The following SMARCA4 variants were observed in gnomAD, a reference collection of about 807,000 sequenced individuals.
The protein encoded by SMARCA4 is SWI/SNF related BAF chromatin remodeling complex subunit ATPase 4, also known as SWI/SNF-related matrix-associated actin-dependent regulator of chromatin subfamily A member 4.
A neutral mutation model predicts 193.9 loss-of-function variants in SMARCA4; 31 were observed. The ratio of observed to expected loss-of-function variants is 0.16; its 90% CI spans 0.12 to 0.22. SMARCA4 has a LOEUF of 0.22. SMARCA4 is among the 10% of genes least tolerant of loss of function. SMARCA4 has a pLI of 1.00. For missense variants in SMARCA4, 1,148 were observed against 2,296.0 expected, an observed-to-expected ratio of 0.50 and a Z score of 10.22; for synonymous variants, 942 against 933.1, an observed-to-expected ratio of 1.01 and a Z score of -0.17.
chr19:11,048,954 AC>A (rs1264675020), intron 30 of SMARCA4, among the ~76,000 whole-genome samples: 5 of 152,148 alleles, frequency 3.3e-5, no homozygotes, highest in Non-Finnish European at 5.9e-5. Context: ...TGTCACAGCC[AC>A]GGTCCTTTAC....
chr19:11,002,195 A>T (rs1395164597), intron 11 of SMARCA4, among the ~76,000 whole-genome samples: 1 of 152,212 alleles, frequency 6.6e-6, no homozygotes, highest in Admixed American at 6.5e-5. Flanking sequence ...GAGAGCCCAC[A>T]TGATGCTCTT....
chr19:10,999,261 G>C (rs901851170), intron 11 of SMARCA4, among the ~76,000 whole-genome samples: 2 of 152,178 alleles, frequency 1.3e-5, no homozygotes, highest in Middle Eastern at 3.2e-3. Flanking sequence ...CTTTGGGGGT[G>C]CTTCCTGCTA....
In SMARCA4 at chr19:11,048,046, C is replaced by T. The variant is rs570727872; in HGVS notation, c.4424+6486C>T. On this transcript the variant is annotated intron_variant, in intron 30 of 34. Transcript: ENST00000344626. ...AGATCCCTGGAAGCTTCCTCGCCAC[C>T]GACTGCATGGCAGGTGGTGCTCATG... Among the ~76,000 whole-genome samples, 314 of 152,252 alleles carry T rather than the reference C, an allele frequency of 2.1e-3. 5 individuals are homozygous for T. The South Asian group carries it at 0.024, about 12-fold the overall frequency.
At chr19:11,023,248 G>A (rs1297877025) in intron 19 of SMARCA4, among the ~76,000 whole-genome samples, 1 of 152,234 alleles carries the variant, frequency 6.6e-6, no homozygotes, top group African/African-American at 2.4e-5. Flanking sequence ...GGTCTTTCTG[G>A]TGAGGCACAG....
chr19:11,013,002 C>T lies in SMARCA4; in HGVS notation c.2328C>T (p.Ile776=). The part of the protein sequence containing the change: ...VSLYNNNLNG[I]LADEMGLGKT... ...TGTACAACAACAACCTGAACGGCAT[C>T]CTGGCCGACGAGATGGGCCTGGGGA... Residue 776 remains isoleucine, a synonymous_variant, in exon 16 of 35, where the codon ATC becomes ATT. Transcript: ENST00000344626. The T allele has an allele frequency of 6.2e-7, 1 of 1,614,166 alleles. No individual in the cohort carries two copies. Among genetic ancestry groups the T allele is most frequent in the Non-Finnish European group, 8.5e-7 (1 of 1,180,024 alleles).
At chr19:10,979,260 G>A (rs993178544) in intron 1 of SMARCA4, among the ~76,000 whole-genome samples, 1 of 152,074 alleles carries the variant, frequency 6.6e-6, no homozygotes, top group Non-Finnish European at 1.5e-5. Flanking sequence ...GGACACCCAA[G>A]AAGAACCAAT....
chr19:10,995,629 G>A (rs964167329), intron 9 of SMARCA4: 3 of 390,606 alleles, frequency 7.7e-6, no homozygotes, highest in Non-Finnish European at 1.0e-5. Flanking sequence ...CAGGCAGTGC[G>A]GACAAAGGTT....
intron 1 of SMARCA4, among the ~76,000 whole-genome samples, chr19:10,982,110 G>A (rs775286277): frequency 2.3e-4 from 35 of 152,176 alleles, no homozygotes; most frequent in Non-Finnish European, 3.8e-4. Context: ...AGGCCAAGGC[G>A]GGTGGATCAC....
At chr19:10,978,672 G>T (rs944640816) in intron 1 of SMARCA4, among the ~76,000 whole-genome samples, 1 of 151,788 alleles carries the variant, frequency 6.6e-6, no homozygotes, top group African/African-American at 2.4e-5. Context: ...ATATGTGGTG[G>T]CTCGTGCCTG....
intron 11 of SMARCA4, among the ~76,000 whole-genome samples, chr19:10,996,849 A>G (rs920174951): frequency 1.3e-5 from 2 of 152,140 alleles, no homozygotes; most frequent in Non-Finnish European, 1.5e-5. Context: ...CTTCACCCAG[A>G]GTCTCCATTT....
At chr19:10,996,131 C>T (rs865895946) in intron 9 of SMARCA4, 82 bp from the exon 10 acceptor site, 9 of 1,447,364 alleles carry the variant, frequency 6.2e-6, no homozygotes, top group Middle Eastern at 1.7e-4. Context: ...GCCCTCAGTG[C>T]GCTTCTGGAT....
chr19:10,999,199 C>G (rs1054246724), intron 11 of SMARCA4, among the ~76,000 whole-genome samples: 10 of 151,922 alleles, frequency 6.6e-5, no homozygotes, highest in Non-Finnish European at 1.5e-5. Flanking sequence ...AGCCACTATG[C>G]CTGGCTATAT....
intron 1 of SMARCA4, among the ~76,000 whole-genome samples, chr19:10,979,081 T>G (rs2085361732): frequency 1.3e-5 from 2 of 152,172 alleles, no homozygotes; most frequent in African/African-American, 2.4e-5. Context: ...TTGGCAACAT[T>G]GTTAAAAGTT....
At chr19:11,021,556 C>G (rs2089868427) in intron 18 of SMARCA4, 169 bp from the exon 19 acceptor site, 1 of 818,360 alleles carries the variant, frequency 1.2e-6, no homozygotes, top group Admixed American at 2.0e-5. Context: ...TTGTGTGGCT[C>G]CAACTCGGTG....
chr19:11,034,322 A>C lies in SMARCA4; in HGVS notation c.3951+122A>C. ...CAGGTCAGGGAGCCAGGGACAGCTC[A>C]CAGTGCAGCCCACTCCCACCTCCAG... is the stretch of plus-strand genomic sequence containing the variant. On this transcript the variant is annotated intron_variant, in intron 28 of 34. Transcript: ENST00000344626. The surrounding 1 kb of genome is among the most constrained non-coding windows in gnomAD (Gnocchi z 7.0). 5.1e-6 allele frequency: 4 copies of C among 789,742 alleles called. No homozygotes were observed. The highest frequency in any genetic ancestry group is 2.8e-5 in the South Asian group (2 of 70,192). 48.9% of individuals were successfully genotyped at this position (789,742 alleles called of 1,614,324 possible). A position where few individuals can be genotyped will look rare whatever the true frequency, so the allele number is the denominator to read the frequency against.
At position 11,041,753 on chromosome 19, in the gene SMARCA4, T is replaced by A. The variant is rs1223434527; in HGVS notation, c.4424+193T>A. ...TTTCTGGAACAGGGAAGCACACATG[T>A]ATCTGCGGTGATGAGAGGGAATGTC... On this transcript the variant is annotated intron_variant, in intron 30 of 34. Transcript: ENST00000344626. The surrounding 1 kb of genome is among the most constrained non-coding windows in gnomAD (Gnocchi z 5.6). 6.6e-6 allele frequency among the ~76,000 whole-genome samples: 1 copy of A among 152,186 alleles called. No homozygotes were observed. Among genetic ancestry groups the A allele is most frequent in the Non-Finnish European group, 1.5e-5 (1 of 68,038 alleles).
intron 1 of SMARCA4, among the ~76,000 whole-genome samples, chr19:10,966,016 C>G: frequency 1.9e-5 from 2 of 105,262 alleles, no homozygotes; most frequent in Non-Finnish European, 3.5e-5. Context: ...AAGTTTCGCT[C>G]TTGTTGCCCA....
intron 30 of SMARCA4, among the ~76,000 whole-genome samples, chr19:11,042,174 G>A (rs920607398): frequency 6.6e-6 from 1 of 152,348 alleles, no homozygotes; most frequent in Admixed American, 6.5e-5. Context: ...TATATACGAG[G>A]CAGCATGCGG....
intron 1 of SMARCA4, among the ~76,000 whole-genome samples, chr19:10,965,881 A>G (rs1473450919): frequency 6.6e-6 from 1 of 151,292 alleles, no homozygotes; most frequent in Non-Finnish European, 1.5e-5. Flanking sequence ...TTGGTCCATC[A>G]TTGACCAAAA....
Sources: gnomAD v4.1 joint callset for allele counts (sites outside exome capture counted in the v4.1 genomes callset) on GRCh38, gnomAD v4.1.1 for gene constraint, Gnocchi (gnomAD v3.1) non-coding constraint, MANE v1.5 for transcripts, NCBI Gene and HGNC (gene_info 2026-07-23, HGNC 2026-07-21) for gene names.